SCAI: variants seen among roughly 807,000 people sequenced by gnomAD.
The protein encoded by SCAI is protein SCAI.
SCAI carries 24 observed loss-of-function variants against 92.2 expected under a neutral mutation model. The ratio of observed to expected loss-of-function variants is 0.26; its 90% CI spans 0.19 to 0.37. The LOEUF (loss-of-function observed/expected upper bound fraction) is 0.37. Among genes scored for constraint, SCAI ranks in the 10% least tolerant of loss-of-function variants. The probability of loss-of-function intolerance (pLI) is 1.00; values close to 1 mark genes in which losing one functional copy is unlikely to be tolerated. For synonymous variants in SCAI, 261 were observed against 258.6 expected, an observed-to-expected ratio of 1.01 and a Z score of -0.09; for missense variants, 450 against 736.2, an observed-to-expected ratio of 0.61 and a Z score of 4.50.
chr9:125,049,575 T>C (rs757903786), intron 3 of SCAI, among the ~76,000 whole-genome samples: 5 of 152,256 alleles, frequency 3.3e-5, no homozygotes, highest in Admixed American at 6.5e-5. Context: ...TTCTGGATTA[T>C]GTTTTCTTAC....
chr9:125,109,763 T>G (rs937009113), intron 2 of SCAI, among the ~76,000 whole-genome samples: 1 of 152,178 alleles, frequency 6.6e-6, no homozygotes, highest in Non-Finnish European at 1.5e-5. Flanking sequence ...CTCGGCTCAC[T>G]GCAACCGCCA....
In SCAI at chr9:125,005,074, T is replaced by C. The variant is rs540584629; in HGVS notation, c.862-1504A>G. Among the ~76,000 whole-genome samples the C allele has an allele frequency of 2.0e-5, 3 of 151,136 alleles. 1 individual carries two copies. The South Asian group carries it at 6.3e-4, about 32-fold the overall frequency. On this transcript the variant is annotated intron_variant, in intron 9 of 17. Coordinates refer to ENST00000336505, the MANE Select transcript of SCAI (RefSeq NM_001144877.3). Reference sequence around the variant, plus strand: ...AAGGGCTGGGATCACAGGCATGAGCTACCGCGCCCAGCCTATGATCCATAT... The same window carrying C: ...AAGGGCTGGGATCACAGGCATGAGCCACCGCGCCCAGCCTATGATCCATAT...
At chr9:124,958,644 C>A (rs112200928) in intron 17 of SCAI, among the ~76,000 whole-genome samples, 7 of 152,152 alleles carry the variant, frequency 4.6e-5, no homozygotes, top group African/African-American at 1.7e-4. Context: ...TGGTGGCTCA[C>A]GCCTGTAATC....
chr9:125,130,080 GT>G (rs1835366676), intron 2 of SCAI, among the ~76,000 whole-genome samples: 1 of 150,616 alleles, frequency 6.6e-6, no homozygotes, highest in Non-Finnish European at 1.5e-5. Flanking sequence ...TGTATTTTTA[GT>G]AGAGACGGGG....
At chr9:125,097,121 A>G (rs1834573977) in intron 2 of SCAI, among the ~76,000 whole-genome samples, 1 of 152,192 alleles carries the variant, frequency 6.6e-6, no homozygotes, top group South Asian at 2.1e-4. Flanking sequence ...AAAAAGAAAC[A>G]ATGCAAAATT....
At chr9:125,044,355 T>C (rs1833392281) in intron 3 of SCAI, among the ~76,000 whole-genome samples, 2 of 152,036 alleles carry the variant, frequency 1.3e-5, no homozygotes. Context: ...GCCAGACTCA[T>C]ACCCTCTGTG....
At chr9:125,026,683 A>G (rs1283675811) in intron 6 of SCAI, 129 bp downstream of exon 6, 2 of 538,128 alleles carry the variant, frequency 3.7e-6, no homozygotes, top group Non-Finnish European at 3.3e-6. Context: ...TCTATTACAT[A>G]GCAGGCACTC....
At chr9:125,057,813 G>A (rs1833700596) in intron 2 of SCAI, among the ~76,000 whole-genome samples, 1 of 152,200 alleles carries the variant, frequency 6.6e-6, no homozygotes, top group Non-Finnish European at 1.5e-5. Context: ...ATCTATTAAG[G>A]GCAGATGCAG....
chr9:125,108,163 G>A (rs1202795025), intron 2 of SCAI, among the ~76,000 whole-genome samples: 1 of 152,256 alleles, frequency 6.6e-6, no homozygotes, highest in Non-Finnish European at 1.5e-5. Context: ...GAGTGCAGTG[G>A]CGTGATCTCA....
intron 17 of SCAI, among the ~76,000 whole-genome samples, chr9:124,962,187 T>C (rs1327212534): frequency 2.3e-5 from 3 of 131,418 alleles, no homozygotes; most frequent in African/African-American, 8.7e-5. Flanking sequence ...GGGGATGGAG[T>C]CTTGCTCTGT....
At chr9:124,983,135 T>G (rs1178310359) in intron 14 of SCAI, among the ~76,000 whole-genome samples, 1 of 149,664 alleles carries the variant, frequency 6.7e-6, no homozygotes, top group Non-Finnish European at 1.5e-5. Context: ...CACTCCAGCC[T>G]GGGTGACAGA....
chr9:125,143,180 A>C (rs1477220023), intron 1 of SCAI, among the ~76,000 whole-genome samples: 1 of 112,766 alleles, frequency 8.9e-6, no homozygotes. Flanking sequence ...CTTCCCTCAC[A>C]CGCCCCTCTC....
At chr9:125,114,849 C>T (rs1241969646) in intron 2 of SCAI, among the ~76,000 whole-genome samples, 1 of 148,468 alleles carries the variant, frequency 6.7e-6, no homozygotes, top group Admixed American at 6.9e-5. Context: ...TCTCAGCTCA[C>T]TGCAACCTCC....
chr9:124,991,879 A>G (rs1293570806), intron 14 of SCAI, among the ~76,000 whole-genome samples: 2 of 152,120 alleles, frequency 1.3e-5, no homozygotes, highest in African/African-American at 4.8e-5. Flanking sequence ...AAACTTGCAA[A>G]GTGGTAGCTT....
At chr9:125,025,625 A>G (rs1163274182) in intron 6 of SCAI, among the ~76,000 whole-genome samples, 1 of 152,240 alleles carries the variant, frequency 6.6e-6, no homozygotes, top group Non-Finnish European at 1.5e-5. Flanking sequence ...GAAGCAAACT[A>G]TAGGACAACC....
At chr9:125,036,741 A>G (rs984019025) in intron 3 of SCAI, among the ~76,000 whole-genome samples, 1 of 152,240 alleles carries the variant, frequency 6.6e-6, no homozygotes, top group African/African-American at 2.4e-5. Context: ...TTCATTGTGA[A>G]GACCTTTATT....
At chr9:125,031,713 C>G (rs1308868771) in intron 3 of SCAI, among the ~76,000 whole-genome samples, 1 of 152,004 alleles carries the variant, frequency 6.6e-6, no homozygotes, top group Non-Finnish European at 1.5e-5. Context: ...TAACTCTTTC[C>G]ATAAAGGTCC....
Position 125,140,949 on chromosome 9 carries a change from T to G in SCAI, c.98+1684A>C, listed in dbSNP as rs1835652121. 3.3e-5 allele frequency among the ~76,000 whole-genome samples: 5 copies of G among 152,322 alleles called. No homozygotes were observed. The South Asian group carries it at 1.0e-3, about 32-fold the overall frequency. ...AAAGTTACTGAGAAATTTTATTTAT[T>G]CAATTTTTGTACTAACTTGAAATCT... On this transcript the variant is annotated intron_variant, in intron 2 of 17. Coordinates refer to ENST00000336505, the MANE Select transcript of SCAI (RefSeq NM_001144877.3).
intron 17 of SCAI, among the ~76,000 whole-genome samples, chr9:124,967,369 G>C (rs1435636125): frequency 1.3e-5 from 2 of 152,152 alleles, no homozygotes; most frequent in African/African-American, 4.8e-5. Context: ...TTAACAGATG[G>C]GAAAGCAGAG....
Sources: gnomAD v4.1 joint callset for allele counts (sites outside exome capture counted in the v4.1 genomes callset) on GRCh38, gnomAD v4.1.1 for gene constraint, MANE v1.5 for transcripts, NCBI Gene and HGNC (gene_info 2026-07-23, HGNC 2026-07-21) for gene names.